The following JMJD1C variants were observed in gnomAD, a reference collection of about 807,000 sequenced individuals.
JMJD1C encodes jumonji domain-containing protein 1C.
A neutral mutation model predicts 245.3 loss-of-function variants in JMJD1C; 31 were observed. The observed-to-expected ratio is 0.13, with a 90% CI of 0.09 to 0.17. JMJD1C has a LOEUF of 0.17. JMJD1C is among the 10% of genes least tolerant of loss of function. The pLI, the probability that JMJD1C is intolerant of heterozygous loss-of-function variation, is 1.00. For synonymous variants in JMJD1C, 1,057 were observed against 1,017.4 expected (o/e 1.04, Z -0.74); for missense variants, 2,691 against 3,000.2 (o/e 0.90, Z 2.41).
chr10:63,208,109 G>T lies in JMJD1C; in HGVS notation c.3560C>A (p.Thr1187Asn). 1 of 1,614,122 alleles carries T rather than the reference G, an allele frequency of 6.2e-7. No homozygotes were observed. The highest frequency in any genetic ancestry group is 8.5e-7 in the Non-Finnish European group (1 of 1,179,982). Reference protein sequence around the residue: ...TTFRNDCRSPTHLTVSSTNTL... With the variant: ...TTFRNDCRSPNHLTVSSTNTL... ...ATTTGTAGAAGAAACTGTCAAATGG[G>T]TAGGACTCCTACAATCATTTCTGAA... Residue 1187 changes from threonine to asparagine, a missense_variant, in exon 10 of 26, where the codon ACC becomes AAC. Thr to Asn is a moderately conservative substitution (Grantham distance 65). Coordinates refer to ENST00000399262, the MANE Select transcript of JMJD1C (RefSeq NM_032776.3).
chr10:63,438,380 C>T (rs1951176510), intron 1 of JMJD1C, among the ~76,000 whole-genome samples: 1 of 152,110 alleles, frequency 6.6e-6, no homozygotes, highest in Non-Finnish European at 1.5e-5. Flanking sequence ...CCACCTCTAC[C>T]ATTGCTATCA....
At chr10:63,506,168 C>A (rs1387702959) in intron 1 of JMJD1C, among the ~76,000 whole-genome samples, 1 of 152,084 alleles carries the variant, frequency 6.6e-6, no homozygotes, top group African/African-American at 2.4e-5. Context: ...ACTCATTCTG[C>A]CCTTCCTAAA....
At chr10:63,442,496 A>G (rs1187726903) in intron 1 of JMJD1C, among the ~76,000 whole-genome samples, 1 of 152,248 alleles carries the variant, frequency 6.6e-6, no homozygotes, top group Non-Finnish European at 1.5e-5. Context: ...TGTAACTTCT[A>G]GCAATGCAGC....
chr10:63,285,424 TC>T (rs1183325204), intron 2 of JMJD1C, among the ~76,000 whole-genome samples: 1 of 152,174 alleles, frequency 6.6e-6, no homozygotes, highest in East Asian at 1.9e-4. Context: ...CATTTCTAAA[TC>T]CCTTCCCTTG....
intron 2 of JMJD1C, among the ~76,000 whole-genome samples, chr10:63,354,374 A>G (rs1406777912): frequency 1.3e-5 from 2 of 152,142 alleles, no homozygotes; most frequent in African/African-American, 4.8e-5. Context: ...TTGCCTATTT[A>G]ATTTTTAAGT....
At chr10:63,195,821 C>T (rs10761723) in intron 13 of JMJD1C, among the ~76,000 whole-genome samples, 64,880 of 151,776 alleles carry the variant, frequency 0.43, 14,500 homozygotes, top group South Asian at 0.53. Context: ...CCCAGCTACT[C>T]GGAGAGACTA....
chr10:63,412,869 A>G (rs1477881373), intron 1 of JMJD1C, among the ~76,000 whole-genome samples: 2 of 152,218 alleles, frequency 1.3e-5, no homozygotes, highest in African/African-American at 4.8e-5. Context: ...AATCTCTAAA[A>G]TATTTTGCAA....
At position 63,387,629 on chromosome 10, in the gene JMJD1C, A is replaced by ATTTTTTTTTTTTTTTTTTTT. The variant is rs71025169; in HGVS notation, c.169-7167_169-7148dup. ...AGTCAGAAGAAAAAAGAAAAAAAAA[A>ATTTTTTTTTTTTTTTTTTTT]TTTTTTTTTTTTTTTTTTTTTTTTG... On this transcript the variant is annotated intron_variant, in intron 1 of 25. Coordinates refer to ENST00000399262, the MANE Select transcript of JMJD1C (RefSeq NM_032776.3). 1.8e-3 allele frequency among the ~76,000 whole-genome samples: 69 copies of ATTTTTTTTTTTTTTTTTTTT among 37,868 alleles called. 13 individuals are homozygous for ATTTTTTTTTTTTTTTTTTTT. Among genetic ancestry groups the ATTTTTTTTTTTTTTTTTTTT allele is most frequent in the African/African-American group, 8.1e-3 (67 of 8,306 alleles). 24.8% of individuals were successfully genotyped at this position (37,868 alleles called of 152,430 possible). A position where few individuals can be genotyped will look rare whatever the true frequency, so the allele number is the denominator to read the frequency against.
chr10:63,484,983 A>T (rs976052046), intron 1 of JMJD1C, among the ~76,000 whole-genome samples: 1 of 151,930 alleles, frequency 6.6e-6, no homozygotes, highest in African/African-American at 2.4e-5. Context: ...GGAGGAGTGA[A>T]TTAGGATTTG....
intron 3 of JMJD1C, among the ~76,000 whole-genome samples, chr10:63,224,558 C>G (rs762339390): frequency 9.2e-5 from 14 of 152,096 alleles, no homozygotes; most frequent in Non-Finnish European, 2.1e-4. Context: ...ATGAGCAAAT[C>G]TTGAAACAAA....
At chr10:63,466,586 A>G (rs1953297967), upstream of JMJD1C, 1 of 152,242 alleles carries the variant, frequency 6.6e-6, no homozygotes, top group Non-Finnish European at 1.5e-5. Context: ...TTATTATAAG[A>G]ACAGCAAATG....
At chr10:63,475,540 CAAGA>C (rs1953633748) in intron 1 of JMJD1C, among the ~76,000 whole-genome samples, 1 of 152,124 alleles carries the variant, frequency 6.6e-6, no homozygotes, top group Non-Finnish European at 1.5e-5. Flanking sequence ...GAAGGACAGA[CAAGA>C]AAGTAACCTA....
Position 63,194,324 on chromosome 10 carries a change from T to C in JMJD1C, c.5696A>G (p.His1899Arg). 6.2e-7 allele frequency: 1 copy of C among 1,613,376 alleles called. No individual in the cohort carries two copies. The highest frequency in any genetic ancestry group is 8.5e-7 in the Non-Finnish European group (1 of 1,179,416). ...MKCVKGQPHD[H>R]KHLMPTQIIP... ...AATTTGGGTTGGCATTAAATGTTTG[T>C]GATCATGAGGCTGTCCCTTCACACA... Residue 1899 changes from histidine to arginine, a missense_variant, in exon 14 of 26, where the codon CAC becomes CGC. Physicochemically the swap from His to Arg is conservative, Grantham distance 29. Coordinates refer to ENST00000399262, the MANE Select transcript of JMJD1C (RefSeq NM_032776.3).
chr10:63,382,195 G>A (rs1294010056), intron 1 of JMJD1C, among the ~76,000 whole-genome samples: 6 of 152,136 alleles, frequency 3.9e-5, no homozygotes, highest in African/African-American at 1.4e-4. Context: ...TGGGTGATAA[G>A]AGCAAAACTC....
intron 1 of JMJD1C, among the ~76,000 whole-genome samples, chr10:63,471,613 CTACATACTAATTACTAATATTAA>C (rs1488179643): frequency 6.6e-6 from 1 of 152,186 alleles, no homozygotes; most frequent in Non-Finnish European, 1.5e-5. Flanking sequence ...ACTAATATTA[CTACATACTAATTACTAATATTAA>C]TACATACTAA....
chr10:63,297,248 T>C (rs1182643918), intron 2 of JMJD1C, among the ~76,000 whole-genome samples: 3 of 152,164 alleles, frequency 2.0e-5, no homozygotes, highest in Admixed American at 6.5e-5. Flanking sequence ...CCAGAGAACT[T>C]CCTTGATGCC....
At position 63,214,052 on chromosome 10, in the gene JMJD1C, AATG is replaced by A. The variant is rs748027656; in HGVS notation, c.2112_2114del (p.Ile705del). 1 of 1,614,182 alleles carries A rather than the reference AATG, an allele frequency of 6.2e-7. No homozygotes were observed. Among genetic ancestry groups the A allele is most frequent in the Non-Finnish European group, 8.5e-7 (1 of 1,180,000 alleles). ...AAACTGTAAAATGCTCATTTTTATC[AATG>A]ATAAGAGGACTCTTTGTAGTTTCTA... On this transcript the variant is annotated inframe_deletion, in exon 8 of 26. Coordinates refer to ENST00000399262, the MANE Select transcript of JMJD1C (RefSeq NM_032776.3).
chr10:63,513,570 G>C (rs955542347), intron 1 of JMJD1C, among the ~76,000 whole-genome samples: 11 of 152,176 alleles, frequency 7.2e-5, no homozygotes, highest in Non-Finnish European at 1.5e-4. Flanking sequence ...ATCTGACAAA[G>C]GTTTCATATC....
chr10:63,182,198 A>G (rs940547692), intron 22 of JMJD1C, among the ~76,000 whole-genome samples: 10 of 152,208 alleles, frequency 6.6e-5, no homozygotes, highest in African/African-American at 2.4e-4. Context: ...ATTTCACAGA[A>G]AGTGCATGTG....
Sources: gnomAD v4.1 joint callset for allele counts (sites outside exome capture counted in the v4.1 genomes callset) on GRCh38, gnomAD v4.1.1 for gene constraint, MANE v1.5 for transcripts, NCBI Gene and HGNC (gene_info 2026-07-23, HGNC 2026-07-21) for gene names.